The following VIL1 variants were observed in gnomAD, a reference collection of about 807,000 sequenced individuals.
VIL1 encodes villin 1, also known as villin-1.
In VIL1, 86 loss-of-function variants were observed where a neutral mutation model predicts 104.0. The observed-to-expected ratio is 0.83, with a 90% CI of 0.69 to 0.99. The LOEUF (loss-of-function observed/expected upper bound fraction) is 0.99, where lower values mean the gene tolerates loss of function less well. Among genes scored for constraint, VIL1 ranks in the 50% least tolerant of loss-of-function variants. VIL1 has a pLI of 0.00. For missense variants in VIL1, 944 were observed against 1,054.1 expected (o/e 0.90, Z 1.45); for synonymous variants, 394 against 412.6 (o/e 0.95, Z 0.55).
chr2:218,424,159 CCTTT>C, intron 2 of VIL1, 114 bp from the exon 3 acceptor site: 1 of 859,062 alleles, frequency 1.2e-6, no homozygotes, highest in Middle Eastern at 3.0e-4. Flanking sequence ...CCTTTTCTCT[CCTTT>C]CATTCCTGGG....
At chr2:218,432,278 C>T in intron 12 of VIL1, 95 bp downstream of exon 12, 1 of 1,522,410 alleles carries the variant, frequency 6.6e-7, no homozygotes, top group Non-Finnish European at 8.8e-7. Context: ...GGTTGAATAC[C>T]TCTGGGGATG....
chr2:218,436,743 C>T, intron 16 of VIL1, 117 bp downstream of exon 16: 5 of 1,324,096 alleles, frequency 3.8e-6, no homozygotes, highest in Non-Finnish European at 5.2e-6. Flanking sequence ...CATAATTTCT[C>T]CCTGGAAATG....
chr2:218,426,880 G>C (rs562217528), intron 4 of VIL1, among the ~76,000 whole-genome samples: 64 of 152,176 alleles, frequency 4.2e-4, no homozygotes, highest in Admixed American at 6.5e-4. Flanking sequence ...GGGATTACAG[G>C]CGTGAGCCAC....
Position 218,435,279 on chromosome 2 carries a change from T to C in VIL1, c.1681-10T>C. ...GGCACTAGAAATTAGCCAACTCTTT[T>C]TTTTCCTAGGGTTGTAGCGGGGACG... On this transcript the variant is annotated splice_polypyrimidine_tract_variant and intron_variant, in intron 14 of 19. Coordinates refer to ENST00000248444, the MANE Select transcript of VIL1 (RefSeq NM_007127.3). The C allele has an allele frequency of 6.2e-7, 1 of 1,611,794 alleles. No individual in the cohort carries two copies. Among genetic ancestry groups the C allele is most frequent in the Non-Finnish European group, 8.5e-7 (1 of 1,178,416 alleles).
At chr2:218,423,743 C>T (rs747373913) in intron 1 of VIL1, 25 bp from the exon 2 acceptor site, 4 of 1,612,842 alleles carry the variant, frequency 2.5e-6, no homozygotes, top group Non-Finnish European at 3.4e-6. Flanking sequence ...CAGGGTGCCC[C>T]TGCTCCCAAC....
chr2:218,430,065 C>T, intron 9 of VIL1, 118 bp downstream of exon 9: 1 of 922,672 alleles, frequency 1.1e-6, no homozygotes, highest in South Asian at 1.6e-5. Flanking sequence ...CAGGCAGAGG[C>T]AGGGAAGGCT....
rs1467682894 is a variant in VIL1, at chr2:218,437,167, A to C, written c.2015A>C (p.Lys672Thr). 1.9e-6 allele frequency: 3 copies of C among 1,614,078 alleles called. No individual in the cohort carries two copies. The highest frequency in any genetic ancestry group is 2.7e-5 in the African/African-American group (2 of 74,910). ...AAACATGCCAACGAGGAGGAGAAGA[A>C]GGCCGCAGCAACCACTGCACAGGAA... is the stretch of plus-strand genomic sequence containing the variant. ...IGKHANEEEK[K>T]AAATTAQEYL... Residue 672 changes from lysine (K) to threonine (T), a missense_variant, in exon 17 of 20, where the codon AAG becomes ACG. Coordinates refer to ENST00000248444, the MANE Select transcript of VIL1 (RefSeq NM_007127.3).
At chr2:218,430,915 C>G (rs1308398223) in intron 10 of VIL1, 37 bp downstream of exon 10, 18 of 1,590,994 alleles carry the variant, frequency 1.1e-5, no homozygotes, top group Non-Finnish European at 1.4e-5. Context: ...GAGCCAGGAT[C>G]CAGGAGCTGG....
intron 19 of VIL1, among the ~76,000 whole-genome samples, chr2:218,444,557 C>G (rs182565118): frequency 3.3e-5 from 5 of 152,188 alleles, no homozygotes; most frequent in East Asian, 1.9e-4. Context: ...GGATTACAGG[C>G]GTGAGCCACC....
chr2:218,440,533 G>T (rs571471301), intron 18 of VIL1, among the ~76,000 whole-genome samples, 189 bp from the exon 19 acceptor site: 1 of 152,280 alleles, frequency 6.6e-6, no homozygotes, highest in African/African-American at 2.4e-5. Context: ...GCCTCCCAAA[G>T]TGCTGGGATT....
chr2:218,421,174 G>A (rs148906304), intron 1 of VIL1, among the ~76,000 whole-genome samples: 164 of 152,196 alleles, frequency 1.1e-3, no homozygotes, highest in African/African-American at 3.8e-3. Context: ...GCAAGCAGGC[G>A]TGGGGTGAGA....
chr2:218,447,740 G>C (rs1398960738), intron 19 of VIL1, among the ~76,000 whole-genome samples: 1 of 148,446 alleles, frequency 6.7e-6, no homozygotes, highest in Admixed American at 6.7e-5. Flanking sequence ...ACTTTGTTTT[G>C]TTTTTTTTTT....
At position 218,436,702 on chromosome 2, in the gene VIL1, T is replaced by G; in HGVS notation, c.1971+76T>G. The G allele has an allele frequency of 7.2e-6, 11 of 1,523,654 alleles. No homozygotes were observed. The South Asian group carries it at 1.4e-4, about 19-fold the overall frequency. The allele number at this position is 1,523,654 out of a possible 1,614,324, so 94.4% of individuals were successfully genotyped here. On this transcript the variant is annotated intron_variant, in intron 16 of 19. Coordinates refer to ENST00000248444, the MANE Select transcript of VIL1 (RefSeq NM_007127.3). ...GGCCAAGAAAGAGTGGCTTTAAGGT[T>G]AGGTAAGTGTCAATGTTTTCTTGGC...
chr2:218,444,287 CT>C (rs1021683866), intron 19 of VIL1, among the ~76,000 whole-genome samples: 12 of 144,438 alleles, frequency 8.3e-5, no homozygotes, highest in South Asian at 6.6e-4. Context: ...GATTTTTTTT[CT>C]TTTTTTTTTG....
chr2:218,433,654 C>T (rs1179017069), intron 13 of VIL1, among the ~76,000 whole-genome samples: 1 of 152,200 alleles, frequency 6.6e-6, no homozygotes, highest in Non-Finnish European at 1.5e-5. Flanking sequence ...CGCCTGTAAT[C>T]CCAGCACTTT....
intron 19 of VIL1, among the ~76,000 whole-genome samples, chr2:218,446,701 C>T (rs1191817705): frequency 6.6e-6 from 1 of 150,564 alleles, no homozygotes; most frequent in Admixed American, 6.6e-5. Context: ...TCAAGGAATA[C>T]TCAAGGAAGA....
intron 1 of VIL1, among the ~76,000 whole-genome samples, chr2:218,421,469 T>A (rs1490582982): frequency 6.6e-6 from 1 of 151,626 alleles, no homozygotes; most frequent in Non-Finnish European, 1.5e-5. Flanking sequence ...CAAACCAGAG[T>A]CCACGGTGGC....
chr2:218,425,541 T>G, intron 3 of VIL1, 74 bp from the exon 4 acceptor site: 1 of 1,510,110 alleles, frequency 6.6e-7, no homozygotes, highest in East Asian at 2.3e-5. Flanking sequence ...ACGGCACGTG[T>G]GTGGGAGGTC....
At position 218,429,950 on chromosome 2, in the gene VIL1, A is replaced by C; in HGVS notation, c.948+3A>C. The C allele has an allele frequency of 1.4e-6, 1 of 714,226 alleles. No homozygotes were observed. The highest frequency in any genetic ancestry group is 2.3e-6 in the Non-Finnish European group (1 of 436,378). The allele number at this position is 714,226 out of a possible 1,614,324, so 44.2% of individuals were successfully genotyped here. A position where few individuals can be genotyped will look rare whatever the true frequency, so the allele number is the denominator to read the frequency against. ...AGGGAGCCATGAGCCATGCGCTGGTAGTGGTGGGGGCGGGGGAGGGTCCAG... is the reference window on the plus strand; with the variant it reads ...AGGGAGCCATGAGCCATGCGCTGGTCGTGGTGGGGGCGGGGGAGGGTCCAG... On this transcript the variant is annotated splice_donor_region_variant and intron_variant, in intron 9 of 19. Coordinates refer to ENST00000248444, the MANE Select transcript of VIL1 (RefSeq NM_007127.3).
Sources: allele counts gnomAD v4.1 joint callset (sites outside exome capture counted in the v4.1 genomes callset), GRCh38; gene constraint gnomAD v4.1.1; transcripts MANE v1.5; gene names NCBI Gene and HGNC (gene_info 2026-07-23, HGNC 2026-07-21).